The following SORCS1 variants were observed in gnomAD, a reference collection of about 807,000 sequenced individuals.
The protein encoded by SORCS1 is sortilin related VPS10 domain containing receptor 1.
A neutral mutation model predicts 146.1 loss-of-function variants in SORCS1; 60 were observed. The ratio of observed to expected loss-of-function variants is 0.41; its 90% confidence interval spans 0.33 to 0.51. The LOEUF (loss-of-function observed/expected upper bound fraction) is 0.51. Ranked by LOEUF, SORCS1 falls within the 20% of genes least tolerant of loss-of-function variation. The pLI is 0.21. For synonymous variants in SORCS1, 637 were observed against 584.0 expected, an observed-to-expected ratio of 1.09 and a Z score of -1.31; for missense variants, 1,352 against 1,487.6, an observed-to-expected ratio of 0.91 and a Z score of 1.50.
intron 20 of SORCS1, among the ~76,000 whole-genome samples, chr10:106,618,655 T>C (rs1306582594): frequency 1.3e-5 from 2 of 152,148 alleles, no homozygotes; most frequent in African/African-American, 2.4e-5. Context: ...TTAATCCAGA[T>C]GGAAGCAGCA....
At chr10:106,624,712 A>C (rs1254202607) in intron 19 of SORCS1, among the ~76,000 whole-genome samples, 1 of 152,252 alleles carries the variant, frequency 6.6e-6, no homozygotes, top group East Asian at 1.9e-4. Context: ...TTGGCCTTGT[A>C]GGCCCTGAAA....
At chr10:107,013,987 G>T (rs1294602832) in intron 1 of SORCS1, among the ~76,000 whole-genome samples, 1 of 152,152 alleles carries the variant, frequency 6.6e-6, no homozygotes, top group Non-Finnish European at 1.5e-5. Context: ...GCCGGGCACA[G>T]TGGCTCATGC....
chr10:106,797,294 G>A (rs1946620478), intron 3 of SORCS1, among the ~76,000 whole-genome samples: 1 of 151,850 alleles, frequency 6.6e-6, no homozygotes, highest in Non-Finnish European at 1.5e-5. Context: ...GAGCATTTTG[G>A]AATTCCTAGA....
In SORCS1 at chr10:107,157,166, G is replaced by C. The variant is rs117600521; in HGVS notation, c.558+6803C>G. Among the ~76,000 whole-genome samples the C allele has an allele frequency of 2.5e-3, 386 of 152,282 alleles. 6 individuals are homozygous for C. In the East Asian group the frequency reaches 0.061, roughly 24 times the overall value. ...AGACAAACTACAAGGCTAGGGTGCA[G>C]CTGTGTTCTAACTCTTGCCTGTGAT... is the stretch of plus-strand genomic sequence containing the variant. On this transcript the variant is annotated intron_variant, in intron 1 of 25. Coordinates refer to ENST00000263054, the MANE Select transcript of SORCS1 (RefSeq NM_052918.5).
intron 2 of SORCS1, among the ~76,000 whole-genome samples, chr10:106,892,799 C>T (rs1157537392): frequency 6.6e-6 from 1 of 151,742 alleles, no homozygotes; most frequent in East Asian, 1.9e-4. Context: ...TATCTAAGAA[C>T]TGCACATTTC....
At chr10:107,149,054 G>C (rs147913122) in intron 1 of SORCS1, among the ~76,000 whole-genome samples, 1 of 152,288 alleles carries the variant, frequency 6.6e-6, no homozygotes, top group Middle Eastern at 3.4e-3. Flanking sequence ...TGAGACTTAC[G>C]TGCAAGGAAA....
intron 5 of SORCS1, 33 bp from the exon 6 acceptor site, chr10:106,730,147 C>T (rs1856490530): frequency 1.9e-6 from 3 of 1,608,400 alleles, no homozygotes; most frequent in Non-Finnish European, 8.5e-7. Flanking sequence ...AAGAAACATC[C>T]ATATTAATGA....
intron 1 of SORCS1, among the ~76,000 whole-genome samples, chr10:107,112,563 T>C (rs777696347): frequency 8.6e-5 from 13 of 151,864 alleles, no homozygotes; most frequent in Admixed American, 6.6e-5. Flanking sequence ...TAAATGTAAA[T>C]GAATGTAACT....
At chr10:106,743,932 G>A (rs1443295232) in intron 5 of SORCS1, among the ~76,000 whole-genome samples, 9 of 152,074 alleles carry the variant, frequency 5.9e-5, no homozygotes, top group African/African-American at 1.4e-4. Context: ...CAGTGTTCGT[G>A]TAGGCACTCC....
intron 23 of SORCS1, 132 bp from the exon 24 acceptor site, chr10:106,597,582 A>G: frequency 1.5e-6 from 1 of 649,728 alleles, no homozygotes; most frequent in Non-Finnish European, 2.6e-6. Flanking sequence ...TAAGGTTTAT[A>G]TGATTTTGAT....
At chr10:106,732,602 C>T (rs3904910) in intron 5 of SORCS1, among the ~76,000 whole-genome samples, 66,047 of 151,960 alleles carry the variant, frequency 0.43, 14,437 homozygotes, top group African/African-American at 0.47. Context: ...CCAGGAGAAA[C>T]GCAGTACCCC....
In SORCS1 at chr10:107,036,085, C is replaced by T. The variant is rs150916514; in HGVS notation, c.559-79505G>A. 1.7e-3 allele frequency among the ~76,000 whole-genome samples: 256 copies of T among 151,856 alleles called. 2 individuals are homozygous for T. The highest frequency in any genetic ancestry group is 3.4e-3 in the Middle Eastern group (1 of 294). ...GCTAGGAGTAGAGAGAAATTAAAAG[C>T]CCATCTGTATGTATAGTTTCATTTG... On this transcript the variant is annotated intron_variant, in intron 1 of 25. Coordinates refer to ENST00000263054, the MANE Select transcript of SORCS1 (RefSeq NM_052918.5).
chr10:106,887,845 T>C (rs888721180), intron 2 of SORCS1, among the ~76,000 whole-genome samples: 4 of 152,236 alleles, frequency 2.6e-5, no homozygotes, highest in African/African-American at 9.6e-5. Context: ...GGGCAACTTA[T>C]TGATATACAC....
intron 17 of SORCS1, 23 bp downstream of exon 17, chr10:106,667,666 A>T: frequency 6.3e-7 from 1 of 1,581,928 alleles, no homozygotes; most frequent in Non-Finnish European, 8.7e-7. Flanking sequence ...TGGCCTCTCA[A>T]GGTCACTACT....
At chr10:106,826,595 T>C (rs1948316417) in intron 3 of SORCS1, among the ~76,000 whole-genome samples, 1 of 152,234 alleles carries the variant, frequency 6.6e-6, no homozygotes, top group South Asian at 2.1e-4. Flanking sequence ...AGTACATATT[T>C]CATGGTGATA....
In SORCS1 at chr10:106,667,677, C is replaced by A; in HGVS notation, c.2303+12G>T. ...AGGTTGGCCTCTCAAGGTCACTACT[C>A]CAGACACTTACCCAGTACTATTGAG... On this transcript the variant is annotated intron_variant, in intron 17 of 25. Transcript: ENST00000263054. 1 of 1,606,996 alleles carries A rather than the reference C, an allele frequency of 6.2e-7. No individual in the cohort carries two copies. The highest frequency in any genetic ancestry group is 8.5e-7 in the Non-Finnish European group (1 of 1,174,202).
chr10:106,671,698 A>G lies in SORCS1; in HGVS notation c.2059-331T>C, dbSNP rs867290597. Among the ~76,000 whole-genome samples, 10 of 152,336 alleles carry G rather than the reference A, an allele frequency of 6.6e-5. No individual in the cohort carries two copies. In the South Asian group the frequency reaches 2.1e-3, roughly 32 times the overall value. On this transcript the variant is annotated intron_variant, in intron 15 of 25. Coordinates refer to ENST00000263054, the MANE Select transcript of SORCS1 (RefSeq NM_052918.5). ...CCTAGTGTATTGCCAGTAAATCTGC[A>G]GTAATTAAGTTCAATTCCCCTATAA...
At chr10:107,095,810 C>T (rs1223462563) in intron 1 of SORCS1, among the ~76,000 whole-genome samples, 3 of 152,012 alleles carry the variant, frequency 2.0e-5, no homozygotes, top group Non-Finnish European at 4.4e-5. Flanking sequence ...GGTTACCTCC[C>T]ATCCAAGGAG....
intron 22 of SORCS1, among the ~76,000 whole-genome samples, chr10:106,609,891 C>T (rs1347490413): frequency 2.0e-5 from 3 of 152,108 alleles, no homozygotes; most frequent in Non-Finnish European, 4.4e-5. Context: ...GGGAGTTGGA[C>T]AGATAGAGGA....
Sources: allele counts gnomAD v4.1 joint callset (sites outside exome capture counted in the v4.1 genomes callset), GRCh38; gene constraint gnomAD v4.1.1; transcripts MANE v1.5; gene names NCBI Gene and HGNC (gene_info 2026-07-23, HGNC 2026-07-21).